The following NKAIN2 variants were observed in gnomAD, a reference collection of about 807,000 sequenced individuals.
NKAIN2 encodes the protein sodium/potassium transporting ATPase interacting 2.
Under a neutral mutation model 32.6 loss-of-function variants are expected in NKAIN2, and 14 were observed. The ratio of observed to expected loss-of-function variants is 0.43; its 90% CI spans 0.28 to 0.67. The LOEUF (loss-of-function observed/expected upper bound fraction) is 0.67, where lower values mean the gene tolerates loss of function less well. Ranked by LOEUF, NKAIN2 falls within the 30% of genes least tolerant of loss-of-function variation. The probability of loss-of-function intolerance (pLI) is 0.17; values close to 1 mark genes in which losing one functional copy is unlikely to be tolerated. For synonymous variants in NKAIN2, 80 were observed against 87.2 expected (o/e 0.92, Z 0.46); for missense variants, 198 against 258.3 (o/e 0.77, Z 1.60).
chr6:124,451,490 G>C (rs928270010), intron 3 of NKAIN2, among the ~76,000 whole-genome samples: 3 of 152,150 alleles, frequency 2.0e-5, no homozygotes, highest in African/African-American at 7.2e-5. Flanking sequence ...ACCCGATCTG[G>C]AGTATTGTTT....
At chr6:124,280,843 G>C (rs980832675) in intron 1 of NKAIN2, among the ~76,000 whole-genome samples, 1 of 152,084 alleles carries the variant, frequency 6.6e-6, no homozygotes, top group Non-Finnish European at 1.5e-5. Flanking sequence ...ATATGATAAT[G>C]CTACTTATGA....
chr6:123,852,830 C>A (rs1437448951), intron 1 of NKAIN2, among the ~76,000 whole-genome samples: 3 of 152,158 alleles, frequency 2.0e-5, no homozygotes, highest in Admixed American at 6.5e-5. Flanking sequence ...TATAAACACA[C>A]ATTGCCACAG....
intron 3 of NKAIN2, among the ~76,000 whole-genome samples, chr6:124,617,538 T>TA (rs1471152556): frequency 6.6e-6 from 1 of 152,224 alleles, no homozygotes; most frequent in Admixed American, 6.5e-5. Context: ...AGCAAAGTTT[T>TA]ACCTGTTTAT....
At chr6:124,102,892 T>G (rs914383473) in intron 1 of NKAIN2, among the ~76,000 whole-genome samples, 1 of 152,144 alleles carries the variant, frequency 6.6e-6, no homozygotes, top group Admixed American at 6.5e-5. Context: ...GGCCTAACAG[T>G]GTTTGGCTAG....
At chr6:124,364,866 G>A (rs1487954318) in intron 3 of NKAIN2, among the ~76,000 whole-genome samples, 1 of 151,866 alleles carries the variant, frequency 6.6e-6, no homozygotes, top group African/African-American at 2.4e-5. Flanking sequence ...AAAATATTTG[G>A]GGATTTAAAT....
chr6:124,620,771 G>T (rs554913482), intron 3 of NKAIN2, among the ~76,000 whole-genome samples: 2 of 152,178 alleles, frequency 1.3e-5, no homozygotes, highest in East Asian at 3.9e-4. Context: ...AGCTTGGAGG[G>T]GTTTTCACAG....
At chr6:124,806,819 A>AGGATGGAGGAAGATCTACC (rs1307158211) in intron 5 of NKAIN2, among the ~76,000 whole-genome samples, 5 of 151,784 alleles carry the variant, frequency 3.3e-5, no homozygotes, top group Admixed American at 6.6e-5. Context: ...GGAAAACAAA[A>AGGATGGAGGAAGATCTACC]AAAGGCAGGG....
chr6:123,926,509 C>T (rs901461924), intron 1 of NKAIN2, among the ~76,000 whole-genome samples: 1 of 151,718 alleles, frequency 6.6e-6, no homozygotes, highest in Non-Finnish European at 1.5e-5. Context: ...TGCAGTGTTC[C>T]CCAGATGCCC....
intron 1 of NKAIN2, among the ~76,000 whole-genome samples, chr6:124,255,464 C>T (rs1013288836): frequency 4.6e-5 from 7 of 152,152 alleles, no homozygotes; most frequent in East Asian, 1.9e-4. Flanking sequence ...AAAGATAATA[C>T]GCATGTTAAT....
chr6:124,571,692 G>A (rs925806342), intron 3 of NKAIN2, among the ~76,000 whole-genome samples: 4 of 152,060 alleles, frequency 2.6e-5, no homozygotes, highest in African/African-American at 4.8e-5. Flanking sequence ...GCACGAATAC[G>A]GACTAATACA....
intron 1 of NKAIN2, among the ~76,000 whole-genome samples, chr6:123,997,443 A>C (rs1723070532): frequency 6.6e-6 from 1 of 152,180 alleles, no homozygotes; most frequent in Admixed American, 6.5e-5. Context: ...GTCTTGGACC[A>C]GTGCCAACTC....
intron 1 of NKAIN2, among the ~76,000 whole-genome samples, chr6:123,949,815 G>T (rs149902368): frequency 0.01 from 1,528 of 152,022 alleles, 17 homozygotes; most frequent in Middle Eastern, 0.017. Flanking sequence ...GATTGCTCCA[G>T]CCAGAACTTT....
chr6:123,940,604 G>A (rs1459667206), intron 1 of NKAIN2, among the ~76,000 whole-genome samples: 3 of 152,064 alleles, frequency 2.0e-5, no homozygotes, highest in Middle Eastern at 6.8e-3. Flanking sequence ...ACAAAGATAA[G>A]TATGTATGTA....
At position 124,817,526 on chromosome 6, in the gene NKAIN2, C is replaced by A. The variant is rs1184281724; in HGVS notation, c.536-861C>A. ...TGGCTGTGTTCCAAGAGAGAACATC[C>A]CAAAAGAGCAAGATAAAAGTGCATG... is the stretch of plus-strand genomic sequence containing the variant. On this transcript the variant is annotated intron_variant, in intron 5 of 6. Coordinates refer to ENST00000368417, the MANE Select transcript of NKAIN2 (RefSeq NM_001040214.3). Among the ~76,000 whole-genome samples the A allele has an allele frequency of 1.3e-5, 2 of 151,966 alleles. 1 individual carries two copies. Among genetic ancestry groups the A allele is most frequent in the Middle Eastern group, 6.3e-3 (2 of 316 alleles).
intron 3 of NKAIN2, among the ~76,000 whole-genome samples, chr6:124,576,594 A>G (rs1256649260): frequency 2.0e-5 from 3 of 152,232 alleles, no homozygotes; most frequent in African/African-American, 7.2e-5. Context: ...TGCACAGCTC[A>G]GTGAACCAAT....
At chr6:123,893,658 T>C (rs936473286) in intron 1 of NKAIN2, among the ~76,000 whole-genome samples, 13 of 152,248 alleles carry the variant, frequency 8.5e-5, no homozygotes, top group Non-Finnish European at 1.5e-4. Flanking sequence ...AGAGCAAAGC[T>C]CAGGGCTTAG....
At chr6:124,168,199 G>C (rs150808618) in intron 1 of NKAIN2, among the ~76,000 whole-genome samples, 43 of 152,220 alleles carry the variant, frequency 2.8e-4, no homozygotes, top group Admixed American at 4.6e-4. Context: ...GTTTGTATTA[G>C]TATTGCTATA....
chr6:124,639,473 A>G (rs191105362), intron 3 of NKAIN2, among the ~76,000 whole-genome samples: 1 of 152,192 alleles, frequency 6.6e-6, no homozygotes, highest in East Asian at 1.9e-4. Flanking sequence ...ATCTCTGCTA[A>G]ACATACAAAA....
intron 1 of NKAIN2, among the ~76,000 whole-genome samples, chr6:123,918,822 G>T (rs950428247): frequency 1.3e-5 from 2 of 152,082 alleles, no homozygotes; most frequent in African/African-American, 2.4e-5. Flanking sequence ...AGATATAAAA[G>T]TATGTATCAA....
Sources: allele counts gnomAD v4.1 joint callset (sites outside exome capture counted in the v4.1 genomes callset), GRCh38; gene constraint gnomAD v4.1.1; transcripts MANE v1.5; gene names NCBI Gene and HGNC (gene_info 2026-07-23, HGNC 2026-07-21).